TGIF1: variants seen among roughly 807,000 people sequenced by gnomAD.
The protein encoded by TGIF1 is homeobox protein TGIF1.
A neutral mutation model predicts 19.3 loss-of-function variants in TGIF1; 4 were observed. The observed-to-expected ratio is 0.21, with a 90% confidence interval of 0.10 to 0.47. The LOEUF (loss-of-function observed/expected upper bound fraction) is 0.47. TGIF1 is among the 20% of genes least tolerant of loss of function. The probability of loss-of-function intolerance (pLI) is 0.98; values close to 1 mark genes in which losing one functional copy is unlikely to be tolerated. For missense variants in TGIF1, 275 were observed against 341.4 expected (o/e 0.81, Z 1.53); for synonymous variants, 122 against 129.3 (o/e 0.94, Z 0.38).
upstream of TGIF1, among the ~76,000 whole-genome samples, chr18:3,448,895 C>G (rs1399368695): frequency 6.6e-6 from 1 of 152,080 alleles, no homozygotes; most frequent in Non-Finnish European, 1.5e-5. Flanking sequence ...AAAAACAGCA[C>G]AGAGCCCAGA....
chr18:3,450,165 C>G (rs1367811368), upstream of TGIF1: 2 of 1,281,560 alleles, frequency 1.6e-6, no homozygotes, highest in African/African-American at 3.0e-5. Context: ...CCCTCCTCGC[C>G]TCTCTCACTC....
rs545820433 is a variant in TGIF1, at chr18:3,457,146, A to G, written c.244-219A>G. ...AGGTTTAAGTATGAAGAGACAAAAA[A>G]GGAAATTTGTATTAGAAACTAGAAG... On this transcript the variant is annotated intron_variant, in intron 2 of 2. Coordinates refer to ENST00000343820, the MANE Select transcript of TGIF1 (RefSeq NM_003244.4). This position sits in a 1 kb window ranked among gnomAD's most constrained non-coding sequence, Gnocchi z 4.9. 1 of 621,666 alleles carries G rather than the reference A, an allele frequency of 1.6e-6. No homozygotes were observed. The highest frequency in any genetic ancestry group is 2.0e-5 in the South Asian group (1 of 49,712). 38.5% of individuals were successfully genotyped at this position (621,666 alleles called of 1,614,324 possible).
intron 2 of TGIF1, among the ~76,000 whole-genome samples, chr18:3,443,255 CAATT>C (rs199661092): frequency 0.019 from 2,871 of 152,208 alleles, 42 homozygotes; most frequent in Middle Eastern, 0.034. Context: ...ACATTGGAAA[CAATT>C]AAATGCTCAT....
At chr18:3,418,438 A>T (rs2082359921) in intron 2 of TGIF1, 1 of 152,274 alleles carries the variant, frequency 6.6e-6, no homozygotes, top group South Asian at 2.1e-4. Flanking sequence ...CAAGTTCATT[A>T]TATAAAATGG....
intron 1 of TGIF1, chr18:3,453,744 G>A: frequency 1.1e-6 from 1 of 949,932 alleles, no homozygotes. Flanking sequence ...TTAGGGCGGT[G>A]GGATCCTCAG....
intron 2 of TGIF1, among the ~76,000 whole-genome samples, chr18:3,441,067 A>G (rs1179882358): frequency 2.0e-5 from 3 of 152,064 alleles, no homozygotes; most frequent in Non-Finnish European, 4.4e-5. Flanking sequence ...CCCCCCCTCC[A>G]TGTTTTTTGG....
chr18:3,444,530 A>T (rs1041031494), intron 2 of TGIF1, among the ~76,000 whole-genome samples: 14 of 151,942 alleles, frequency 9.2e-5, no homozygotes, highest in Admixed American at 2.0e-4. Context: ...TTTAGCTCCC[A>T]TATAGTCTCA....
rs2082863825 is a variant in TGIF1, at chr18:3,450,306, T to C, written c.-184T>C. 4.1e-6 allele frequency: 6 copies of C among 1,448,020 alleles called. No individual in the cohort carries two copies. In the Admixed American group the frequency reaches 8.3e-5, roughly 20 times the overall value. The allele number at this position is 1,448,020 out of a possible 1,614,324, so 89.7% of individuals were successfully genotyped here. On this transcript the variant is annotated 5_prime_UTR_variant, in exon 1 of 3. Coordinates refer to ENST00000343820, the MANE Select transcript of TGIF1 (RefSeq NM_003244.4). ...CGGCGGGAGGAAGCCCAAGTGTCAC[T>C]TGAATTCCACCCAAGGAGCGGGCGC...
chr18:3,448,671 A>G (rs1467058587), upstream of TGIF1: 1 of 952,366 alleles, frequency 1.1e-6, no homozygotes, highest in Admixed American at 6.3e-5. Flanking sequence ...AAAACCACCC[A>G]GGCTTTTTAA....
rs2049456113 is a variant in TGIF1, at chr18:3,459,400, A to G, written c.*1460A>G. ...GATGATTACCAAGAGGCGTAAGAAA[A>G]TTAGGTGAGGGAATGTTGTGCTCTA... On this transcript the variant is annotated 3_prime_UTR_variant, in exon 3 of 3. Transcript: ENST00000343820. 6.6e-6 allele frequency: 1 copy of G among 152,218 alleles called. No homozygotes were observed. Among genetic ancestry groups the G allele is most frequent in the African/African-American group, 2.4e-5 (1 of 41,446 alleles). 9.4% of individuals were successfully genotyped at this position (152,218 alleles called of 1,614,324 possible).
chr18:3,452,720 A>G (rs529069689), intron 1 of TGIF1, among the ~76,000 whole-genome samples: 402 of 151,672 alleles, frequency 2.7e-3, no homozygotes, highest in African/African-American at 9.4e-3. Flanking sequence ...GGGAGGGGGG[A>G]GCCTTCCCCG....
At chr18:3,437,881 C>T (rs1308040689) in intron 2 of TGIF1, among the ~76,000 whole-genome samples, 2 of 152,084 alleles carry the variant, frequency 1.3e-5, no homozygotes, top group Admixed American at 6.5e-5. Context: ...GTCGGGAGTT[C>T]GAGACCAGCC....
upstream of TGIF1, chr18:3,449,812 G>A (rs867497403): frequency 6.1e-6 from 6 of 985,702 alleles, no homozygotes; most frequent in Middle Eastern, 5.2e-4. Flanking sequence ...GAGGGAAGGA[G>A]GGAGGTGTCC....
intron 2 of TGIF1, among the ~76,000 whole-genome samples, chr18:3,426,916 CTTTTTTTTTTTTTTT>C (rs545236407): frequency 1.0e-5 from 1 of 100,088 alleles, no homozygotes; most frequent in African/African-American, 4.0e-5. Flanking sequence ...AGGATGATCT[CTTTTTTTTTTTTTTT>C]TTTTTTTTGG....
At chr18:3,448,379 G>A (rs2082788476), upstream of TGIF1, 1 of 1,007,156 alleles carries the variant, frequency 9.9e-7, no homozygotes, top group Admixed American at 5.3e-5. Context: ...GGGCGGCGGG[G>A]GCGCTGGCCC....
Position 3,455,842 on chromosome 18 carries a change from GA to G in TGIF1, c.17-504del, listed in dbSNP as rs35451557. ...TGTAATTTTCCTTCCTTATATCCATGAAAAAAAATGTACGAGTGCTCCCTTT... is the reference window on the plus strand; with the variant it reads ...TGTAATTTTCCTTCCTTATATCCATGAAAAAAATGTACGAGTGCTCCCTTT... On this transcript the variant is annotated intron_variant, in intron 1 of 2. Coordinates refer to ENST00000343820, the MANE Select transcript of TGIF1 (RefSeq NM_003244.4). The G allele has an allele frequency of 1.1e-4, 20 of 178,728 alleles. No individual in the cohort carries two copies. The South Asian group carries it at 1.2e-3, about 11-fold the overall frequency. The allele number at this position is 178,728 out of a possible 1,614,324, so 11.1% of individuals were successfully genotyped here.
In TGIF1 at chr18:3,457,354, TATG is replaced by T. The variant is rs2049389523; in HGVS notation, c.244-8_244-6del. 2 of 1,614,026 alleles carry T rather than the reference TATG, an allele frequency of 1.2e-6. No individual in the cohort carries two copies. The highest frequency in any genetic ancestry group is 1.7e-6 in the Non-Finnish European group (2 of 1,179,986). Reference sequence around the variant, plus strand: ...TGAGGAAAATGTTAAAGCGTACCGATATGATTTCAGGTCTGTAACTGGTTCATC... The same window carrying T: ...TGAGGAAAATGTTAAAGCGTACCGATATTTCAGGTCTGTAACTGGTTCATC... On this transcript the variant is annotated splice_region_variant and splice_polypyrimidine_tract_variant and intron_variant, in intron 2 of 2. Coordinates refer to ENST00000343820, the MANE Select transcript of TGIF1 (RefSeq NM_003244.4). The surrounding 1 kb of genome is among the most constrained non-coding windows in gnomAD (Gnocchi z 4.9).
intron 1 of TGIF1, among the ~76,000 whole-genome samples, chr18:3,416,659 G>C (rs2082335413): frequency 6.6e-6 from 1 of 151,538 alleles, no homozygotes; most frequent in Non-Finnish European, 1.5e-5. Context: ...GGCCGGGCTG[G>C]GTGGCTCACA....
chr18:3,450,585 A>T, intron 1 of TGIF1, 80 bp downstream of exon 1: 1 of 1,547,742 alleles, frequency 6.5e-7, no homozygotes, highest in South Asian at 1.2e-5. Context: ...GCGCGGAGTC[A>T]CTTGGTGGAC....
Sources: gnomAD v4.1 joint callset for allele counts (sites outside exome capture counted in the v4.1 genomes callset) on GRCh38, gnomAD v4.1.1 for gene constraint, Gnocchi (gnomAD v3.1) non-coding constraint, MANE v1.5 for transcripts, NCBI Gene and HGNC (gene_info 2026-07-23, HGNC 2026-07-21) for gene names.